ZSCAN1: variants seen among roughly 807,000 people sequenced by gnomAD.
ZSCAN1 encodes the protein zinc finger and SCAN domain-containing protein 1.
ZSCAN1 carries 23 observed loss-of-function variants against 23.8 expected under a neutral mutation model. The observed-to-expected ratio is 0.97, with a 90% CI of 0.70 to 1.37. The LOEUF (loss-of-function observed/expected upper bound fraction) is 1.37. Among genes scored for constraint, ZSCAN1 ranks in the 40% most tolerant of loss-of-function variants. ZSCAN1 has a pLI of 0.00. For synonymous variants in ZSCAN1, 236 were observed against 232.3 expected, an observed-to-expected ratio of 1.02 and a Z score of -0.15; for missense variants, 575 against 554.0, an observed-to-expected ratio of 1.04 and a Z score of -0.38.
At chr19:58,046,168 A>G in intron 4 of ZSCAN1, 2 of 737,660 alleles carry the variant, frequency 2.7e-6, no homozygotes, top group Middle Eastern at 3.6e-4. Context: ...AGAGGGCTTG[A>G]AGGAGGAAGA....
In ZSCAN1 at chr19:58,045,663, G is replaced by C. The variant is rs2073820564; in HGVS notation, c.465+5119G>C. ...AGGACAAGCTGTTTGCTGAGGAAGGGGTGGACAGCCTGAACGTCAAGGAGC... is the reference window on the plus strand; with the variant it reads ...AGGACAAGCTGTTTGCTGAGGAAGGCGTGGACAGCCTGAACGTCAAGGAGC... On this transcript the variant is annotated intron_variant, in intron 4 of 5. Coordinates refer to ENST00000282326, the MANE Select transcript of ZSCAN1 (RefSeq NM_182572.4). This position sits in a 1 kb window ranked among gnomAD's most constrained non-coding sequence, Gnocchi z 4.3. 2 of 913,596 alleles carry C rather than the reference G, an allele frequency of 2.2e-6. No homozygotes were observed. Among genetic ancestry groups the C allele is most frequent in the Non-Finnish European group, 3.7e-6 (2 of 543,698 alleles). The allele number at this position is 913,596 out of a possible 1,614,324, so 56.6% of individuals were successfully genotyped here.
At chr19:58,038,647 G>A (rs1388714913) in intron 3 of ZSCAN1, among the ~76,000 whole-genome samples, 3 of 152,192 alleles carry the variant, frequency 2.0e-5, no homozygotes, top group Non-Finnish European at 4.4e-5. Flanking sequence ...TCCCGACTCT[G>A]GGAGCTGGGA....
Position 58,054,013 on chromosome 19 carries a change from G to C in ZSCAN1, c.1189G>C (p.Asp397His). The C allele has an allele frequency of 6.4e-7, 1 of 1,553,980 alleles. No homozygotes were observed. The highest frequency in any genetic ancestry group is 8.7e-7 in the Non-Finnish European group (1 of 1,150,242). The change falls in exon 6 of 6, where the codon GAC becomes CAC. Residue 397 changes from aspartate to histidine, a missense_variant. Coordinates refer to ENST00000282326, the MANE Select transcript of ZSCAN1 (RefSeq NM_182572.4). The surrounding 1 kb of genome is among the most constrained non-coding windows in gnomAD (Gnocchi z 4.2). ...KAFPWMVHLI[D>H]HQKLHTAHGH... is the part of the protein sequence containing the mutation. ...CTTCCCCTGGATGGTCCACCTCATT[G>C]ACCACCAGAAGCTCCACACGGCCCA... is the stretch of plus-strand genomic sequence containing the variant.
At chr19:58,044,640 C>T (rs2073812307) in intron 4 of ZSCAN1, 3 of 1,045,266 alleles carry the variant, frequency 2.9e-6, no homozygotes, top group South Asian at 1.4e-5. Flanking sequence ...GCCAGCCTCC[C>T]GCCGCCGCCT....
At chr19:58,051,075 A>G (rs1389713636) in intron 4 of ZSCAN1, among the ~76,000 whole-genome samples, 1 of 152,116 alleles carries the variant, frequency 6.6e-6, no homozygotes, top group African/African-American at 2.4e-5. Flanking sequence ...AAGTGTGTCG[A>G]TAGCTCCTCT....
intron 4 of ZSCAN1, among the ~76,000 whole-genome samples, chr19:58,044,171 C>G (rs1009323017): frequency 6.6e-6 from 1 of 151,960 alleles, no homozygotes; most frequent in Admixed American, 6.5e-5. Context: ...ACTCCGGAAG[C>G]TGAGGCAGGA....
In ZSCAN1 at chr19:58,053,802, C is replaced by T; in HGVS notation, c.978C>T (p.Gly326=). The T allele has an allele frequency of 6.2e-7, 1 of 1,614,136 alleles. No homozygotes were observed. Among genetic ancestry groups the T allele is most frequent in the Non-Finnish European group, 8.5e-7 (1 of 1,180,036 alleles). The change falls in exon 6 of 6, where the codon GGC becomes GGT. Residue 326 remains glycine (G), a synonymous_variant. Transcript: ENST00000282326. This position sits in a 1 kb window ranked among gnomAD's most constrained non-coding sequence, Gnocchi z 5.8. ...GGCCCTTTCCGTGCCCCGAGTGTGG[C>T]AAGGTCTTCCTGCACAACTCCGTCC... The part of the protein sequence containing the change: ...EEGPFPCPEC[G]KVFLHNSVLT...
Position 58,049,387 on chromosome 19 carries a change from G to A in ZSCAN1, c.466-3103G>A, listed in dbSNP as rs1433090537. 6.6e-6 allele frequency: 1 copy of A among 152,302 alleles called. No individual in the cohort carries two copies. The highest frequency in any genetic ancestry group is 6.5e-5 in the Admixed American group (1 of 15,284). The allele number at this position is 152,302 out of a possible 1,614,324, so 9.4% of individuals were successfully genotyped here. ...TGTAACACTGTACCATCATCCGGCAGATCTTGGATCCCTCTGCGATTTCCT... is the reference window on the plus strand; with the variant it reads ...TGTAACACTGTACCATCATCCGGCAAATCTTGGATCCCTCTGCGATTTCCT... On this transcript the variant is annotated intron_variant, in intron 4 of 5. Coordinates refer to ENST00000282326, the MANE Select transcript of ZSCAN1 (RefSeq NM_182572.4). The surrounding 1 kb of genome is among the most constrained non-coding windows in gnomAD (Gnocchi z 4.5).
intron 4 of ZSCAN1, among the ~76,000 whole-genome samples, chr19:58,050,173 G>A (rs2073850239): frequency 6.6e-6 from 1 of 151,622 alleles, no homozygotes; most frequent in Admixed American, 6.6e-5. Context: ...GGTGGTTCAT[G>A]CCTGTAATCC....
Position 58,045,992 on chromosome 19 carries a change from A to G in ZSCAN1, c.465+5448A>G. ...ACACTGCAGGAGAAGGCGACCATGCAGTAGGAGCACCGCGAGAAGGAGCTG... is the reference window on the plus strand; with the variant it reads ...ACACTGCAGGAGAAGGCGACCATGCGGTAGGAGCACCGCGAGAAGGAGCTG... On this transcript the variant is annotated intron_variant, in intron 4 of 5. Coordinates refer to ENST00000282326, the MANE Select transcript of ZSCAN1 (RefSeq NM_182572.4). The surrounding 1 kb of genome is among the most constrained non-coding windows in gnomAD (Gnocchi z 4.3). 1 of 718,558 alleles carries G rather than the reference A, an allele frequency of 1.4e-6. No individual in the cohort carries two copies. The highest frequency in any genetic ancestry group is 2.5e-6 in the Non-Finnish European group (1 of 397,326). The allele number at this position is 718,558 out of a possible 1,614,324, so 44.5% of individuals were successfully genotyped here.
At position 58,045,442 on chromosome 19, in the gene ZSCAN1, CTG is replaced by C. The variant is rs1345451604; in HGVS notation, c.465+4902_465+4903del. 7.1e-6 allele frequency: 8 copies of C among 1,131,922 alleles called. No individual in the cohort carries two copies. Among genetic ancestry groups the C allele is most frequent in the Non-Finnish European group, 1.1e-5 (8 of 739,362 alleles). The allele number at this position is 1,131,922 out of a possible 1,614,324, so 70.1% of individuals were successfully genotyped here. A position where few individuals can be genotyped will look rare whatever the true frequency, so the allele number is the denominator to read the frequency against. On this transcript the variant is annotated intron_variant, in intron 4 of 5. Coordinates refer to ENST00000282326, the MANE Select transcript of ZSCAN1 (RefSeq NM_182572.4). This position sits in a 1 kb window ranked among gnomAD's most constrained non-coding sequence, Gnocchi z 4.3. Reference sequence around the variant, plus strand: ...AAGGGCAGTGCCACCAAAGACTTCTCTGTGTTTTTCCAGAAGATCCGGGAGAC... The same window carrying C: ...AAGGGCAGTGCCACCAAAGACTTCTCTGTTTTTCCAGAAGATCCGGGAGAC...
In ZSCAN1 at chr19:58,052,492, G is replaced by T; in HGVS notation, c.468G>T (p.Ala156=). The change falls in exon 5 of 6, where the codon GCG becomes GCT. Residue 156 remains alanine (A), a splice_region_variant and synonymous_variant. Transcript: ENST00000282326. ...CAGTCCTGTGCTTGCCATTCTAGGC[G>T]TCTGAGCTGATTCTGGATGCAGTGG... is the stretch of plus-strand genomic sequence containing the variant. The part of the protein sequence containing the change: ...SPRSQKEPSQ[A]SELILDAVAA... 2.5e-6 allele frequency: 4 copies of T among 1,614,142 alleles called. No homozygotes were observed. The highest frequency in any genetic ancestry group is 3.4e-6 in the Non-Finnish European group (4 of 1,180,002).
At chr19:58,036,241 G>A (rs1004224889) in intron 2 of ZSCAN1, among the ~76,000 whole-genome samples, 6 of 152,138 alleles carry the variant, frequency 3.9e-5, no homozygotes, top group Non-Finnish European at 8.8e-5. Context: ...CAACTGTTGG[G>A]CACTTTTGTA....
At chr19:58,051,056 G>A (rs1294696238) in intron 4 of ZSCAN1, among the ~76,000 whole-genome samples, 1 of 152,146 alleles carries the variant, frequency 6.6e-6, no homozygotes, top group African/African-American at 2.4e-5. Context: ...TGGTTTCTGT[G>A]CCTGACCCAA....
At chr19:58,041,510 C>T (rs2073789458) in intron 4 of ZSCAN1, among the ~76,000 whole-genome samples, 1 of 152,250 alleles carries the variant, frequency 6.6e-6, no homozygotes, top group Admixed American at 6.5e-5. Flanking sequence ...TCTCAGGCAG[C>T]CAAGTAACAG....
At chr19:58,036,515 C>CTTTTT (rs66483587) in intron 2 of ZSCAN1, among the ~76,000 whole-genome samples, 10 of 93,438 alleles carry the variant, frequency 1.1e-4, no homozygotes, top group East Asian at 2.4e-4. Context: ...TTTTTCTTTT[C>CTTTTT]TTTTTTTTTT....
In ZSCAN1 at chr19:58,053,390, C is replaced by T. The variant is rs764964312; in HGVS notation, c.605-39C>T. On this transcript the variant is annotated intron_variant, in intron 5 of 5. Transcript: ENST00000282326. This position sits in a 1 kb window ranked among gnomAD's most constrained non-coding sequence, Gnocchi z 5.8. ...AGCACAGGGAGATGCCAAGGCCATC[C>T]ACTCACTACAGGTGACCCATCTCCC... 1.3e-5 allele frequency: 20 copies of T among 1,571,738 alleles called. No individual in the cohort carries two copies. The highest frequency in any genetic ancestry group is 4.8e-5 in the South Asian group (4 of 84,118).
chr19:58,036,173 T>C (rs1160711385), intron 2 of ZSCAN1, among the ~76,000 whole-genome samples, 162 bp downstream of exon 2: 4 of 152,226 alleles, frequency 2.6e-5, no homozygotes, highest in South Asian at 2.1e-4. Flanking sequence ...TGTTGTGTAC[T>C]GGGCACGGTT....
intron 4 of ZSCAN1, chr19:58,044,918 C>T: frequency 1.1e-6 from 1 of 874,300 alleles, no homozygotes; most frequent in Non-Finnish European, 1.9e-6. Flanking sequence ...TGGCACTCTT[C>T]GCGCCCTGTT....
Sources: gnomAD v4.1 joint callset for allele counts (sites outside exome capture counted in the v4.1 genomes callset) on GRCh38, gnomAD v4.1.1 for gene constraint, Gnocchi (gnomAD v3.1) non-coding constraint, MANE v1.5 for transcripts, NCBI Gene and HGNC (gene_info 2026-07-23, HGNC 2026-07-21) for gene names.